The following TEAD1 variants were observed in gnomAD, a reference collection of about 807,000 sequenced individuals.
The protein encoded by TEAD1 is TEA domain transcription factor 1.
TEAD1 carries 9 observed loss-of-function variants against 54.9 expected under a neutral mutation model. That is an observed-to-expected ratio of 0.16 (90% CI 0.10 to 0.29). The LOEUF is 0.29. Among genes scored for constraint, TEAD1 ranks in the 10% least tolerant of loss-of-function variants. The pLI is 1.00. For missense variants in TEAD1, 387 were observed against 535.9 expected (o/e 0.72, Z 2.74); for synonymous variants, 200 against 187.8 (o/e 1.07, Z -0.53).
At chr11:12,793,007 A>C (rs1246386407) in intron 3 of TEAD1, among the ~76,000 whole-genome samples, 1 of 151,294 alleles carries the variant, frequency 6.6e-6, no homozygotes, top group Non-Finnish European at 1.5e-5. Context: ...TGCCATGCTC[A>C]CACCTGTATA....
At chr11:12,797,893 C>T (rs1301339216) in intron 3 of TEAD1, among the ~76,000 whole-genome samples, 4 of 152,286 alleles carry the variant, frequency 2.6e-5, no homozygotes, top group East Asian at 3.9e-4. Flanking sequence ...CAGTCCCTTA[C>T]TCTTCCATTC....
chr11:12,816,418 C>T (rs768680562), intron 3 of TEAD1, among the ~76,000 whole-genome samples: 34 of 152,234 alleles, frequency 2.2e-4, no homozygotes, highest in Admixed American at 3.3e-4. Flanking sequence ...TTCTTCTGCA[C>T]GCTCTTTTTC....
chr11:12,763,667 C>T (rs1945146554), intron 2 of TEAD1, among the ~76,000 whole-genome samples: 1 of 152,218 alleles, frequency 6.6e-6, no homozygotes, highest in African/African-American at 2.4e-5. Context: ...TATGATGCCA[C>T]TTGCCATGGT....
At chr11:12,898,123 G>T (rs1026912013) in intron 9 of TEAD1, among the ~76,000 whole-genome samples, 3 of 152,166 alleles carry the variant, frequency 2.0e-5, no homozygotes, top group African/African-American at 7.2e-5. Flanking sequence ...GCGCCCAGTG[G>T]ACACAAGGTC....
intron 3 of TEAD1, among the ~76,000 whole-genome samples, chr11:12,784,891 A>G (rs573366370): frequency 1.6e-4 from 24 of 152,302 alleles, no homozygotes; most frequent in South Asian, 4.1e-4. Context: ...TGTAGCTCCT[A>G]TCGCTTGAGA....
At position 12,881,235 on chromosome 11, in the gene TEAD1, G is replaced by A. The variant is rs553819506; in HGVS notation, c.512+184G>A. On this transcript the variant is annotated intron_variant, in intron 7 of 12. Coordinates refer to ENST00000527636, the MANE Select transcript of TEAD1 (RefSeq NM_021961.6). Reference sequence around the variant, plus strand: ...CTGGCAGGAAAGAGACTGGCTTTTCGGATCTGGGAGAGGTGGAAGCACCCC... The same window carrying A: ...CTGGCAGGAAAGAGACTGGCTTTTCAGATCTGGGAGAGGTGGAAGCACCCC... Among the ~76,000 whole-genome samples, 6 of 152,238 alleles carry A rather than the reference G, an allele frequency of 3.9e-5. No individual in the cohort carries two copies. In the South Asian group the frequency reaches 1.2e-3, roughly 32 times the overall value.
At position 12,940,799 on chromosome 11, in the gene TEAD1, T is replaced by G. The variant is rs960658033; in HGVS notation, c.*3577T>G. ...TTATTTCGGCATATTTCCTCTGGGC[T>G]TCTTCTAGTTTCTGCCTTACAAGCA... On this transcript the variant is annotated 3_prime_UTR_variant, in exon 13 of 13. Coordinates refer to ENST00000527636, the MANE Select transcript of TEAD1 (RefSeq NM_021961.6). 6.6e-6 allele frequency: 1 copy of G among 152,166 alleles called. No homozygotes were observed. Among genetic ancestry groups the G allele is most frequent in the Non-Finnish European group, 1.5e-5 (1 of 67,988 alleles). The allele number at this position is 152,166 out of a possible 1,614,324, so 9.4% of individuals were successfully genotyped here. A position where few individuals can be genotyped will look rare whatever the true frequency, so the allele number is the denominator to read the frequency against.
chr11:12,847,730 C>A (rs1947185237), intron 3 of TEAD1, among the ~76,000 whole-genome samples: 3 of 151,944 alleles, frequency 2.0e-5, no homozygotes, highest in Admixed American at 6.6e-5. Flanking sequence ...CTCTGTTGGC[C>A]AGGTTGTTCT....
At position 12,764,345 on chromosome 11, in the gene TEAD1, A is replaced by G. The variant is rs777001341; in HGVS notation, c.113A>G (p.Asp38Gly). ...GATGCAGAAGGGGTCTGGAGCCCCG[A>G]CATCGAGCAAAGCTTTCAGGAGGCC... The change falls in exon 3 of 13, where the codon GAC (aspartate) becomes GGC (glycine). Residue 38 changes from aspartate to glycine, a missense_variant. By Grantham distance (94) the Asp-to-Gly change is moderately conservative (BLOSUM62 -1). Transcript: ENST00000527636. 1 of 1,614,180 alleles carries G rather than the reference A, an allele frequency of 6.2e-7. No individual in the cohort carries two copies. Among genetic ancestry groups the G allele is most frequent in the Non-Finnish European group, 8.5e-7 (1 of 1,180,020 alleles).
chr11:12,812,375 A>T (rs990629306), intron 3 of TEAD1, among the ~76,000 whole-genome samples: 5 of 152,136 alleles, frequency 3.3e-5, no homozygotes, highest in African/African-American at 1.2e-4. Context: ...TTAGAATCCC[A>T]AAAAGGTGAT....
Position 12,911,694 on chromosome 11 carries a change from T to TA in TEAD1, c.873+9583dup, listed in dbSNP as rs10670661. ...TACATGAGTCTTTTTTTTTTTTTTTTAATTATCTCTTGATAGGCCCTGCTA... is the reference window on the plus strand; with the variant it reads ...TACATGAGTCTTTTTTTTTTTTTTTTAAATTATCTCTTGATAGGCCCTGCTA... On this transcript the variant is annotated intron_variant, in intron 10 of 12. Transcript: ENST00000527636. Among the ~76,000 whole-genome samples the TA allele has an allele frequency of 1.9e-4, 29 of 151,602 alleles. No homozygotes were observed. The East Asian group carries it at 5.2e-3, about 27-fold the overall frequency.
intron 3 of TEAD1, among the ~76,000 whole-genome samples, chr11:12,771,140 A>C (rs1367268230): frequency 6.6e-6 from 1 of 152,212 alleles, no homozygotes; most frequent in African/African-American, 2.4e-5. Context: ...TGATAAAGGC[A>C]TGGAGGCCTG....
chr11:12,934,015 G>A (rs1949055730), intron 12 of TEAD1, among the ~76,000 whole-genome samples: 1 of 152,158 alleles, frequency 6.6e-6, no homozygotes, highest in Non-Finnish European at 1.5e-5. Context: ...AATACAATTT[G>A]ACCCAGCCAT....
intron 2 of TEAD1, among the ~76,000 whole-genome samples, chr11:12,761,805 G>A (rs149736623): frequency 1.9e-3 from 289 of 151,808 alleles, no homozygotes; most frequent in African/African-American, 6.5e-3. Context: ...ATGGGTTTTC[G>A]CCTGATAAAT....
chr11:12,871,448 C>T (rs950076418), intron 5 of TEAD1, among the ~76,000 whole-genome samples: 12 of 152,138 alleles, frequency 7.9e-5, no homozygotes, highest in Non-Finnish European at 1.5e-4. Context: ...GATTTATTAT[C>T]CCAGCATGTA....
At chr11:12,817,457 A>G (rs1193472136) in intron 3 of TEAD1, among the ~76,000 whole-genome samples, 1 of 151,902 alleles carries the variant, frequency 6.6e-6, no homozygotes. Flanking sequence ...AGATGTAAAC[A>G]TTTTCCCTTT....
chr11:12,845,861 C>T (rs550425888), intron 3 of TEAD1, among the ~76,000 whole-genome samples: 5 of 152,312 alleles, frequency 3.3e-5, no homozygotes, highest in South Asian at 2.1e-4. Flanking sequence ...GGCTGTGCCC[C>T]GCTCATGTTC....
At chr11:12,889,287 G>A (rs963451997) in intron 9 of TEAD1, among the ~76,000 whole-genome samples, 20 of 152,144 alleles carry the variant, frequency 1.3e-4, no homozygotes, top group Non-Finnish European at 1.5e-5. Context: ...ATGAAAACCC[G>A]GCCTGGCTGA....
intron 2 of TEAD1, among the ~76,000 whole-genome samples, chr11:12,691,242 A>G (rs562050316): frequency 1.3e-5 from 2 of 152,230 alleles, no homozygotes; most frequent in South Asian, 2.1e-4. Context: ...ATCTTTGGCC[A>G]GTGGGAATTT....
Sources: gnomAD v4.1 joint callset for allele counts (sites outside exome capture counted in the v4.1 genomes callset) on GRCh38, gnomAD v4.1.1 for gene constraint, MANE v1.5 for transcripts, NCBI Gene and HGNC (gene_info 2026-07-23, HGNC 2026-07-21) for gene names.